Variants in GAL3ST2 observed in about 807,000 individuals in gnomAD.
The protein encoded by GAL3ST2 is beta-galactose-3-O-sulfotransferase 2.
In GAL3ST2, 16 loss-of-function variants were observed where a neutral mutation model predicts 12.9. That is an observed-to-expected ratio of 1.24 (90% CI 0.84 to 1.88). The LOEUF is 1.88. Among genes scored for constraint, GAL3ST2 ranks in the 40% most tolerant of loss-of-function variants. The pLI, the probability that GAL3ST2 is intolerant of heterozygous loss-of-function variation, is 0.00. For missense variants in GAL3ST2, 639 were observed against 571.8 expected, an observed-to-expected ratio of 1.12 and a Z score of -1.20; for synonymous variants, 302 against 273.9, an observed-to-expected ratio of 1.10 and a Z score of -1.01.
rs575715469 is a variant in GAL3ST2, at chr2:241,793,883, A to G, written c.30-5182A>G. Among the ~76,000 whole-genome samples the G allele has an allele frequency of 2.6e-5, 4 of 152,284 alleles. No individual in the cohort carries two copies. The South Asian group carries it at 8.3e-4, about 32-fold the overall frequency. ...TGCATGAGTCTTCCTCATAGTCAAC[A>G]AGGTTTCTAAAACCAGAAGTTCCCT... On this transcript the variant is annotated intron_variant, in intron 1 of 3. Transcript: ENST00000192314. This position sits in a 1 kb window ranked among gnomAD's most constrained non-coding sequence, Gnocchi z 4.7.
Position 241,804,219 on chromosome 2 carries a change from C to CT in GAL3ST2, c.*53_*54insT. 19 of 1,332,398 alleles carry CT rather than the reference C, an allele frequency of 1.4e-5. No individual in the cohort carries two copies. Among genetic ancestry groups the CT allele is most frequent in the Non-Finnish European group, 1.9e-5 (19 of 1,025,590 alleles). 82.5% of individuals were successfully genotyped at this position (1,332,398 alleles called of 1,614,324 possible). On this transcript the variant is annotated 3_prime_UTR_variant, in exon 4 of 4. Coordinates refer to ENST00000192314, the MANE Select transcript of GAL3ST2 (RefSeq NM_022134.3). ...TGCGGACACCAGCTCCTCTCTCCGC[C>CT]GTCACCGGGGAGGCCGGGGATCCTT...
intron 1 of GAL3ST2, among the ~76,000 whole-genome samples, chr2:241,791,593 C>G (rs1021498653): frequency 3.9e-5 from 6 of 152,170 alleles, no homozygotes; most frequent in African/African-American, 1.4e-4. Flanking sequence ...GATGACTCAA[C>G]TCATAGGTAT....
intron 1 of GAL3ST2, among the ~76,000 whole-genome samples, chr2:241,785,343 G>C (rs186990475): frequency 7.2e-5 from 11 of 152,218 alleles, no homozygotes; most frequent in African/African-American, 2.4e-4. Flanking sequence ...CCTGAGGTTA[G>C]GAGTTCGAGA....
chr2:241,792,346 C>T (rs1699703616), intron 1 of GAL3ST2, among the ~76,000 whole-genome samples: 3 of 150,490 alleles, frequency 2.0e-5, no homozygotes, highest in African/African-American at 7.4e-5. Flanking sequence ...CTTATTTTTC[C>T]TAATTTGGAG....
In GAL3ST2 at chr2:241,804,223, A is replaced by G; in HGVS notation, c.*57A>G. The stretch of plus-strand genomic sequence containing the variant: ...GACACCAGCTCCTCTCTCCGCCGTC[A>G]CCGGGGAGGCCGGGGATCCTTGCAG... On this transcript the variant is annotated 3_prime_UTR_variant, in exon 4 of 4. Coordinates refer to ENST00000192314, the MANE Select transcript of GAL3ST2 (RefSeq NM_022134.3). 2 of 1,331,240 alleles carry G rather than the reference A, an allele frequency of 1.5e-6. No homozygotes were observed. The highest frequency in any genetic ancestry group is 2.0e-6 in the Non-Finnish European group (2 of 1,023,768). The allele number at this position is 1,331,240 out of a possible 1,614,324, so 82.5% of individuals were successfully genotyped here.
At chr2:241,777,084 GTGACT>G in intron 1 of GAL3ST2, 100 bp downstream of exon 1, 1 of 1,084,162 alleles carries the variant, frequency 9.2e-7, no homozygotes, top group Non-Finnish European at 1.2e-6. Context: ...TTCGAAGGAA[GTGACT>G]TGGATTTGGA....
intron 1 of GAL3ST2, among the ~76,000 whole-genome samples, chr2:241,798,659 T>C (rs1429894743): frequency 6.6e-6 from 1 of 152,048 alleles, no homozygotes; most frequent in Non-Finnish European, 1.5e-5. Context: ...TGCACCAAAC[T>C]CTCAGCCTCT....
At chr2:241,779,526 C>A (rs537496757) in intron 1 of GAL3ST2, among the ~76,000 whole-genome samples, 134 of 150,492 alleles carry the variant, frequency 8.9e-4, no homozygotes, top group African/African-American at 3.2e-3. Context: ...AGCCACCGTG[C>A]CCGGCCCTGG....
chr2:241,779,379 G>T (rs569610161), intron 1 of GAL3ST2, among the ~76,000 whole-genome samples: 1 of 151,136 alleles, frequency 6.6e-6, no homozygotes, highest in African/African-American at 2.4e-5. Flanking sequence ...GACTACAGGC[G>T]CCCGCCACCT....
chr2:241,778,707 C>T (rs543972707), intron 1 of GAL3ST2, among the ~76,000 whole-genome samples: 25 of 152,166 alleles, frequency 1.6e-4, no homozygotes, highest in African/African-American at 6.0e-4. Flanking sequence ...GACGTGTGCC[C>T]AAGGTGGTCA....
At chr2:241,790,444 T>G (rs971281843) in intron 1 of GAL3ST2, among the ~76,000 whole-genome samples, 1 of 152,226 alleles carries the variant, frequency 6.6e-6, no homozygotes, top group South Asian at 2.1e-4. Flanking sequence ...CAATTCAGTA[T>G]ACTCCTATGA....
At position 241,776,867 on chromosome 2, in the gene GAL3ST2, G is replaced by T; in HGVS notation, c.-89G>T. ...GCACCCTGCCTGTGCCTGCACCCTG[G>T]GGAGCCCAGAGCCGGCAGGGGCCGA... On this transcript the variant is annotated 5_prime_UTR_variant, in exon 1 of 4. Coordinates refer to ENST00000192314, the MANE Select transcript of GAL3ST2 (RefSeq NM_022134.3). 8.3e-7 allele frequency: 1 copy of T among 1,198,056 alleles called. No individual in the cohort carries two copies. Among genetic ancestry groups the T allele is most frequent in the Non-Finnish European group, 1.1e-6 (1 of 906,810 alleles). 74.2% of individuals were successfully genotyped at this position (1,198,056 alleles called of 1,614,324 possible).
Position 241,802,043 on chromosome 2 carries a change from C to T in GAL3ST2, c.375+7C>T, listed in dbSNP as rs1321960577. Reference sequence around the variant, plus strand: ...GAGGTTCAACCTGCCTCAGGTACCGCGGGCCTGCTGGGGAGGAGGGCGGGC... The same window carrying T: ...GAGGTTCAACCTGCCTCAGGTACCGTGGGCCTGCTGGGGAGGAGGGCGGGC... On this transcript the variant is annotated splice_region_variant and intron_variant, in intron 3 of 3. Transcript: ENST00000192314. The surrounding 1 kb of genome is among the most constrained non-coding windows in gnomAD (Gnocchi z 4.8). The T allele has an allele frequency of 1.2e-6, 2 of 1,604,388 alleles. No homozygotes were observed. Among genetic ancestry groups the T allele is most frequent in the Admixed American group, 1.7e-5 (1 of 58,782 alleles).
chr2:241,786,215 T>C (rs1699626556), intron 1 of GAL3ST2, among the ~76,000 whole-genome samples: 1 of 151,496 alleles, frequency 6.6e-6, no homozygotes, highest in Non-Finnish European at 1.5e-5. Context: ...CCCAATAATT[T>C]GGAACTTTTC....
At chr2:241,785,186 CAA>C (rs1301681344) in intron 1 of GAL3ST2, among the ~76,000 whole-genome samples, 4 of 152,188 alleles carry the variant, frequency 2.6e-5, no homozygotes, top group African/African-American at 9.6e-5. Flanking sequence ...TGTAAAAACC[CAA>C]GAGTAGCCTG....
At chr2:241,787,540 CT>C (rs1553615866) in intron 1 of GAL3ST2, among the ~76,000 whole-genome samples, 6,149 of 136,148 alleles carry the variant, frequency 0.045, 161 homozygotes, top group Non-Finnish European at 0.066. Flanking sequence ...ACTTCTCCTC[CT>C]TTTTTTTTTT....
Position 241,799,074 on chromosome 2 carries a change from G to C in GAL3ST2, c.39G>C (p.Arg13=). The C allele has an allele frequency of 6.2e-7, 1 of 1,613,344 alleles. No individual in the cohort carries two copies. Among genetic ancestry groups the C allele is most frequent in the Non-Finnish European group, 8.5e-7 (1 of 1,179,936 alleles). The stretch of plus-strand genomic sequence containing the variant: ...CCTGCCCTTTCCACAGATACTTCCG[G>C]GTCATCCTCCTCCTCCTCCTGGCCC... ...SMLGGLQRYF[R]VILLLLLALT... Residue 13 remains arginine (R), a synonymous_variant, in exon 2 of 4, where the codon CGG becomes CGC. Transcript: ENST00000192314.
intron 1 of GAL3ST2, among the ~76,000 whole-genome samples, chr2:241,796,571 T>C (rs78067036): frequency 0.083 from 12,557 of 152,206 alleles, 715 homozygotes; most frequent in Admixed American, 0.17. Flanking sequence ...TTGTTTCATC[T>C]GAAGTTATTT....
chr2:241,783,834 G>T (rs1486875947), intron 1 of GAL3ST2, among the ~76,000 whole-genome samples: 3 of 152,146 alleles, frequency 2.0e-5, no homozygotes, highest in Non-Finnish European at 4.4e-5. Flanking sequence ...TTCATTCCTG[G>T]TTGGAGGCTG....
Sources: allele counts gnomAD v4.1 joint callset (sites outside exome capture counted in the v4.1 genomes callset), GRCh38; gene constraint gnomAD v4.1.1; non-coding constraint Gnocchi (gnomAD v3.1); transcripts MANE v1.5; gene names NCBI Gene and HGNC (gene_info 2026-07-23, HGNC 2026-07-21).